The following PTPRO variants were observed in gnomAD, a reference collection of about 807,000 sequenced individuals.
PTPRO encodes the protein receptor-type tyrosine-protein phosphatase O.
PTPRO carries 62 observed loss-of-function variants against 145.2 expected under a neutral mutation model. That is an observed-to-expected ratio of 0.43 (90% confidence interval 0.35 to 0.53). The LOEUF (loss-of-function observed/expected upper bound fraction) is 0.53, where lower values mean the gene tolerates loss of function less well. Among genes scored for constraint, PTPRO ranks in the 20% least tolerant of loss-of-function variants. The pLI, the probability that PTPRO is intolerant of heterozygous loss-of-function variation, is 0.01. For synonymous variants in PTPRO, 565 were observed against 514.7 expected, an observed-to-expected ratio of 1.10 and a Z score of -1.32; for missense variants, 1,345 against 1,482.7, an observed-to-expected ratio of 0.91 and a Z score of 1.53.
chr12:15,448,932 G>A (rs563446085), intron 1 of PTPRO, among the ~76,000 whole-genome samples: 22 of 151,706 alleles, frequency 1.5e-4, no homozygotes, highest in African/African-American at 5.3e-4. Flanking sequence ...AATACTATAT[G>A]GACTTACTTG....
At chr12:15,562,626 T>C (rs1943802144) in intron 17 of PTPRO, among the ~76,000 whole-genome samples, 1 of 152,076 alleles carries the variant, frequency 6.6e-6, no homozygotes, top group Admixed American at 6.6e-5. Context: ...CCCAGTTAGG[T>C]TGGTCTCAGG....
At chr12:15,576,776 G>A (rs941226696) in intron 19 of PTPRO, among the ~76,000 whole-genome samples, 3 of 152,102 alleles carry the variant, frequency 2.0e-5, no homozygotes, top group African/African-American at 7.2e-5. Flanking sequence ...TATCTTACAG[G>A]TAATTAAAGC....
intron 1 of PTPRO, among the ~76,000 whole-genome samples, chr12:15,397,081 A>G (rs1004420716): frequency 1.6e-4 from 25 of 152,156 alleles, no homozygotes; most frequent in Non-Finnish European, 2.8e-4. Flanking sequence ...TGTCCTCAAT[A>G]GAAAGTTCCT....
At chr12:15,559,775 CA>C (rs1254591331) in intron 16 of PTPRO, among the ~76,000 whole-genome samples, 1 of 152,128 alleles carries the variant, frequency 6.6e-6, no homozygotes, top group African/African-American at 2.4e-5. Flanking sequence ...TTTTCTCACA[CA>C]AGCTGCTGTT....
At chr12:15,391,694 G>T (rs528321156) in intron 1 of PTPRO, among the ~76,000 whole-genome samples, 2 of 152,296 alleles carry the variant, frequency 1.3e-5, no homozygotes, top group South Asian at 4.1e-4. Context: ...GTGACCAAGT[G>T]GTAGCTGTAG....
chr12:15,546,338 T>G (rs1171414082), intron 12 of PTPRO: 4 of 1,362,992 alleles, frequency 2.9e-6, no homozygotes, highest in Non-Finnish European at 3.8e-6. Context: ...AAAACAGAAG[T>G]GTTCTGAAAA....
chr12:15,403,134 T>C (rs1436262925), intron 1 of PTPRO, among the ~76,000 whole-genome samples: 1 of 152,212 alleles, frequency 6.6e-6, no homozygotes, highest in Non-Finnish European at 1.5e-5. Flanking sequence ...TACTATGATA[T>C]ATAAGTCCCT....
chr12:15,471,443 C>G (rs1167117364), intron 1 of PTPRO, among the ~76,000 whole-genome samples: 3 of 152,128 alleles, frequency 2.0e-5, no homozygotes, highest in African/African-American at 7.2e-5. Context: ...CATACTCTAT[C>G]TGAAAGGATA....
At chr12:15,450,749 G>T (rs1196950665) in intron 1 of PTPRO, among the ~76,000 whole-genome samples, 2 of 151,640 alleles carry the variant, frequency 1.3e-5, no homozygotes, top group African/African-American at 4.8e-5. Context: ...CTCTAGCCTG[G>T]GTAACAGAGT....
chr12:15,463,657 C>T (rs1941354164), intron 1 of PTPRO, among the ~76,000 whole-genome samples: 1 of 152,042 alleles, frequency 6.6e-6, no homozygotes. Flanking sequence ...TACAAGCTTT[C>T]TTCATTGTCT....
At chr12:15,459,449 G>T (rs1488643067) in intron 1 of PTPRO, among the ~76,000 whole-genome samples, 1 of 152,200 alleles carries the variant, frequency 6.6e-6, no homozygotes, top group East Asian at 1.9e-4. Flanking sequence ...CCGGAGAGAA[G>T]CTGGGAACTG....
intron 1 of PTPRO, among the ~76,000 whole-genome samples, chr12:15,338,317 T>C (rs1448079746): frequency 2.0e-5 from 3 of 152,208 alleles, no homozygotes; most frequent in African/African-American, 7.2e-5. Flanking sequence ...CTGCTATGTA[T>C]TTTAACAGTG....
intron 1 of PTPRO, among the ~76,000 whole-genome samples, chr12:15,451,804 A>G (rs1032239869): frequency 6.6e-6 from 1 of 152,224 alleles, no homozygotes; most frequent in East Asian, 1.9e-4. Flanking sequence ...GAACAATAAT[A>G]GTGACACAAC....
At chr12:15,409,075 T>C (rs577692566) in intron 1 of PTPRO, among the ~76,000 whole-genome samples, 122 of 152,112 alleles carry the variant, frequency 8.0e-4, no homozygotes, top group South Asian at 6.2e-3. Flanking sequence ...AATTATTATG[T>C]TTAAAATAAT....
intron 15 of PTPRO, 148 bp downstream of exon 15, chr12:15,551,819 T>C (rs560179893): frequency 3.9e-5 from 33 of 845,840 alleles, no homozygotes; most frequent in South Asian, 5.0e-5. Flanking sequence ...GTTTTCTAAA[T>C]AGACTTCGAA....
intron 1 of PTPRO, among the ~76,000 whole-genome samples, chr12:15,482,799 T>C (rs1441382291): frequency 6.6e-6 from 1 of 152,168 alleles, no homozygotes; most frequent in East Asian, 1.9e-4. Flanking sequence ...TTATGTGTTA[T>C]ATGACAGACT....
Position 15,322,699 on chromosome 12 carries a change from G to A in PTPRO, c.-28G>A. On this transcript the variant is annotated 5_prime_UTR_variant, in exon 1 of 27. It adds an upstream start codon to the 5' untranslated region. Transcript: ENST00000281171. This position sits in a 1 kb window ranked among gnomAD's most constrained non-coding sequence, Gnocchi z 6.3. The stretch of plus-strand genomic sequence containing the variant: ...GCCGGGGGAGTCCGCTAGCGCAGCC[G>A]TGCCCCCGAGTCCCCGTCCGCGCAG... 4 of 1,595,876 alleles carry A rather than the reference G, an allele frequency of 2.5e-6. No homozygotes were observed. The highest frequency in any genetic ancestry group is 3.4e-6 in the Non-Finnish European group (4 of 1,168,734).
intron 24 of PTPRO, among the ~76,000 whole-genome samples, chr12:15,588,915 C>G (rs907636459): frequency 6.6e-6 from 1 of 152,086 alleles, no homozygotes; most frequent in African/African-American, 2.4e-5. Flanking sequence ...CTCTCAGGAA[C>G]GTAGCCATGA....
rs1035036039 is a variant in PTPRO at position 15,392,738 on chromosome 12, A to G, written c.75+69937A>G. Among the ~76,000 whole-genome samples the G allele has an allele frequency of 5.3e-5, 8 of 149,696 alleles. No homozygotes were observed. In the South Asian group the frequency reaches 1.1e-3, roughly 20 times the overall value. On this transcript the variant is annotated intron_variant, in intron 1 of 26. Coordinates refer to ENST00000281171, the MANE Select transcript of PTPRO (RefSeq NM_030667.3). ...CCTGTCTCAAAAAAAAAAAAAAAAA[A>G]AAAAGAAGAAAAAAGAAGGGGAGCC... is the stretch of plus-strand genomic sequence containing the variant.
Sources: gnomAD v4.1 joint callset for allele counts (sites outside exome capture counted in the v4.1 genomes callset) on GRCh38, gnomAD v4.1.1 for gene constraint, Gnocchi (gnomAD v3.1) non-coding constraint, MANE v1.5 for transcripts, NCBI Gene and HGNC (gene_info 2026-07-23, HGNC 2026-07-21) for gene names.